Variants in NOX5 observed in about 807,000 individuals in gnomAD.
NOX5 encodes the protein NADPH oxidase 5, also known as NADPH oxidase, EF-hand calcium binding domain 5.
A neutral mutation model predicts 85.7 loss-of-function variants in NOX5; 76 were observed. The observed-to-expected ratio is 0.89, with a 90% CI of 0.74 to 1.07. The LOEUF (loss-of-function observed/expected upper bound fraction) is 1.07. Ranked by LOEUF, NOX5 falls within the 50% of genes least tolerant of loss-of-function variation. The pLI is 0.00. For synonymous variants in NOX5, 405 were observed against 401.4 expected (o/e 1.01, Z -0.11); for missense variants, 973 against 999.5 (o/e 0.97, Z 0.36).
rs1176039614 is a variant in NOX5, at chr15:69,033,271, C to A, written c.849C>A (p.Phe283Leu). Residue 283 changes from phenylalanine to leucine, a missense_variant, in exon 5 of 16, where the codon TTC becomes TTA. Coordinates refer to ENST00000388866, the MANE Select transcript of NOX5 (RefSeq NM_024505.4). ...AGTGCCTCAACTTCGACTGCAGCTTCATCGCGGTAGGCTCTGCCAGCACAC... is the reference window on the plus strand; with the variant it reads ...AGTGCCTCAACTTCGACTGCAGCTTAATCGCGGTAGGCTCTGCCAGCACAC... Reference protein sequence around the residue: ...CGQCLNFDCSFIAVLMLRRCL... With the variant: ...CGQCLNFDCSLIAVLMLRRCL... The A allele has an allele frequency of 3.1e-6, 5 of 1,594,186 alleles. No individual in the cohort carries two copies. Among genetic ancestry groups the A allele is most frequent in the Non-Finnish European group, 4.2e-6 (5 of 1,178,338 alleles).
At chr15:69,042,552 C>T in intron 9 of NOX5, 111 bp from the exon 10 acceptor site, 2 of 1,213,590 alleles carry the variant, frequency 1.6e-6, no homozygotes, top group Non-Finnish European at 2.3e-6. Context: ...ACATTCAAAC[C>T]AGGACTTGGA....
At chr15:69,023,407 A>G in intron 1 of NOX5, 1 of 373,994 alleles carries the variant, frequency 2.7e-6, no homozygotes, top group Non-Finnish European at 5.1e-6. Context: ...TAGCTCAGGT[A>G]ATTGTCACAA....
At chr15:69,020,976 C>T (rs915435326) in intron 1 of NOX5, among the ~76,000 whole-genome samples, 4 of 151,984 alleles carry the variant, frequency 2.6e-5, no homozygotes. Flanking sequence ...CGTTGATAGG[C>T]GTCTTAATAA....
At position 69,049,012 on chromosome 15, in the gene NOX5, C is replaced by T. The variant is rs754749435; in HGVS notation, c.1953C>T (p.Ser651=). ...RDQRSFEWFV[S]LLTKLEMDQA... Reference sequence around the variant, plus strand: ...AGCGGTCTTTCGAGTGGTTTGTGAGCCTGCTGACTAAACTGGAGATGGACC... The same window carrying T: ...AGCGGTCTTTCGAGTGGTTTGTGAGTCTGCTGACTAAACTGGAGATGGACC... Residue 651 remains serine (S), a synonymous_variant, in exon 14 of 16, where the codon AGC becomes AGT. Transcript: ENST00000388866. 3.7e-6 allele frequency: 6 copies of T among 1,612,878 alleles called. No homozygotes were observed. In the South Asian group the frequency reaches 6.6e-5, roughly 18 times the overall value.
intron 1 of NOX5, among the ~76,000 whole-genome samples, chr15:69,016,463 G>A (rs968943542): frequency 5.9e-5 from 9 of 152,170 alleles, no homozygotes; most frequent in Middle Eastern, 3.2e-3. Flanking sequence ...CAGGTGGTCC[G>A]CAAGAAGAAC....
chr15:69,024,046 G>A (rs1222457210), intron 1 of NOX5: 1 of 153,622 alleles, frequency 6.5e-6, no homozygotes, highest in African/African-American at 2.4e-5. Context: ...ATATGTACTG[G>A]CAAGGAATAT....
intron 10 of NOX5, 41 bp downstream of exon 10, chr15:69,042,846 A>C (rs894776172): frequency 1.3e-6 from 2 of 1,592,572 alleles, no homozygotes; most frequent in Non-Finnish European, 1.7e-6. Context: ...TCTGCTGGCA[A>C]GTCCACAGAG....
chr15:69,048,637 T>C (rs1035900019), intron 13 of NOX5, among the ~76,000 whole-genome samples: 5 of 152,212 alleles, frequency 3.3e-5, no homozygotes, highest in Non-Finnish European at 5.9e-5. Flanking sequence ...ATAGGCCACT[T>C]AGAAGAGTTT....
At chr15:69,046,005 G>A (rs188447103) in intron 10 of NOX5, 1 of 152,398 alleles carries the variant, frequency 6.6e-6, no homozygotes, top group Non-Finnish European at 1.5e-5. Context: ...ATGTGGGCAC[G>A]TCCTTCCCAT....
rs776154979 is a variant in NOX5, at chr15:69,031,598, A to G, written c.406A>G (p.Thr136Ala). 4 of 1,613,246 alleles carry G rather than the reference A, an allele frequency of 2.5e-6. No individual in the cohort carries two copies. The highest frequency in any genetic ancestry group is 1.1e-5 in the South Asian group (1 of 91,084). The change falls in exon 4 of 16, where the codon ACA becomes GCA. Residue 136 changes from threonine to alanine, a missense_variant. Thr to Ala is a moderately conservative substitution (Grantham distance 58). Coordinates refer to ENST00000388866, the MANE Select transcript of NOX5 (RefSeq NM_024505.4). The part of the protein sequence containing the change: ...GPHWASSPLG[T>A]GSGSIDPDEL... ...GCACTGGGCTTCATCCCCACTCGGG[A>G]CAGGCAGTGGCTCCATTGACCCGGA...
chr15:69,038,989 G>T lies in NOX5; in HGVS notation c.1504G>T (p.Asp502Tyr), dbSNP rs374464869. The change falls in exon 9 of 16, where the codon GAC (aspartate) becomes TAC (tyrosine). Residue 502 changes from aspartate to tyrosine, a missense_variant and splice_region_variant. By Grantham distance (160) the Asp-to-Tyr change is radical. Coordinates refer to ENST00000388866, the MANE Select transcript of NOX5 (RefSeq NM_024505.4). The stretch of plus-strand genomic sequence containing the variant: ...CATCAGCAGTGCTCCTGAGCAGAAA[G>T]GTAATGGCCACCTCCTCCAGTCACT... ...FTISSAPEQK[D>Y]TIWLHIRSQG... is the part of the protein sequence containing the mutation. 4 of 1,614,006 alleles carry T rather than the reference G, an allele frequency of 2.5e-6. No individual in the cohort carries two copies. The highest frequency in any genetic ancestry group is 2.5e-6 in the Non-Finnish European group (3 of 1,180,040).
At chr15:69,022,513 C>G (rs1192734945) in intron 1 of NOX5, 1 of 170,022 alleles carries the variant, frequency 5.9e-6, no homozygotes, top group Non-Finnish European at 1.3e-5. Context: ...GAAAGACCCA[C>G]ATGTATTATC....
rs1193607730 is a variant in NOX5, at chr15:69,058,683, C to T, written c.*1987C>T. 6.6e-6 allele frequency: 1 copy of T among 152,110 alleles called. No homozygotes were observed. The highest frequency in any genetic ancestry group is 1.9e-4 in the East Asian group (1 of 5,172). The allele number at this position is 152,110 out of a possible 1,614,324, so 9.4% of individuals were successfully genotyped here. A position where few individuals can be genotyped will look rare whatever the true frequency, so the allele number is the denominator to read the frequency against. On this transcript the variant is annotated 3_prime_UTR_variant, in exon 16 of 16. Coordinates refer to ENST00000388866, the MANE Select transcript of NOX5 (RefSeq NM_024505.4). ...TTCCAACCAGATCGTGTTTAATTTC[C>T]AGCAAGCCTGGGGAGGCACACAACT...
At chr15:69,050,766 G>A (rs2050738722) in intron 14 of NOX5, among the ~76,000 whole-genome samples, 1 of 152,132 alleles carries the variant, frequency 6.6e-6, no homozygotes, top group African/African-American at 2.4e-5. Flanking sequence ...ATCTTCTTGA[G>A]GCTCACTTTT....
chr15:69,036,539 C>A (rs1222739277), intron 7 of NOX5, among the ~76,000 whole-genome samples: 2 of 152,104 alleles, frequency 1.3e-5, no homozygotes, highest in East Asian at 3.8e-4. Flanking sequence ...CTACTCTGGG[C>A]CAGCAACAAG....
chr15:69,055,454 C>G lies in NOX5; in HGVS notation c.2120C>G (p.Thr707Arg). 1 of 1,614,154 alleles carries G rather than the reference C, an allele frequency of 6.2e-7. No homozygotes were observed. The highest frequency in any genetic ancestry group is 8.5e-7 in the Non-Finnish European group (1 of 1,180,038). ...LANKEKKDSI[T>R]GLQTRTQPGR... ...AACAAGGAGAAGAAAGACTCCATCA[C>G]GGGGCTGCAGACGCGCACCCAGCCT... is the stretch of plus-strand genomic sequence containing the variant. Residue 707 changes from threonine to arginine, a missense_variant, in exon 15 of 16, where the codon ACG (threonine) becomes AGG (arginine). By Grantham distance (71) the Thr-to-Arg change is moderately conservative (BLOSUM62 -1). Coordinates refer to ENST00000388866, the MANE Select transcript of NOX5 (RefSeq NM_024505.4).
At chr15:69,036,107 A>T (rs574746723) in intron 7 of NOX5, among the ~76,000 whole-genome samples, 171 bp downstream of exon 7, 9 of 152,250 alleles carry the variant, frequency 5.9e-5, no homozygotes, top group South Asian at 4.1e-4. Context: ...ACTGTAGTTT[A>T]TGTCTGCCAA....
At chr15:69,049,132 T>C in intron 14 of NOX5, 74 bp downstream of exon 14, 1 of 931,208 alleles carries the variant, frequency 1.1e-6, no homozygotes, top group East Asian at 2.7e-5. Flanking sequence ...AAATAATTTA[T>C]TGATATGAAA....
At chr15:69,048,872 G>A (rs1186465640) in intron 13 of NOX5, 87 bp from the exon 14 acceptor site, 5 of 855,594 alleles carry the variant, frequency 5.8e-6, no homozygotes, top group Non-Finnish European at 9.4e-6. Flanking sequence ...ACTTCAGGGT[G>A]GTCATATGGG....
Sources: allele counts gnomAD v4.1 joint callset (sites outside exome capture counted in the v4.1 genomes callset), GRCh38; gene constraint gnomAD v4.1.1; transcripts MANE v1.5; gene names NCBI Gene and HGNC (gene_info 2026-07-23, HGNC 2026-07-21).